SLC4A5: variants seen among roughly 807,000 people sequenced by gnomAD.
The protein encoded by SLC4A5 is solute carrier family 4 member 5, also known as electrogenic sodium bicarbonate cotransporter 4.
SLC4A5 carries 96 observed loss-of-function variants against 120.4 expected under a neutral mutation model. The observed-to-expected ratio is 0.80, with a 90% CI of 0.68 to 0.94. The LOEUF (loss-of-function observed/expected upper bound fraction) is 0.94. Ranked by LOEUF, SLC4A5 falls within the 40% of genes least tolerant of loss-of-function variation. SLC4A5 has a pLI of 0.00. For missense variants in SLC4A5, 1,259 were observed against 1,459.5 expected, an observed-to-expected ratio of 0.86 and a Z score of 2.24; for synonymous variants, 550 against 571.1, an observed-to-expected ratio of 0.96 and a Z score of 0.53.
intron 7 of SLC4A5, among the ~76,000 whole-genome samples, chr2:74,294,994 A>G (rs1672284538): frequency 6.6e-6 from 1 of 152,160 alleles, no homozygotes; most frequent in Admixed American, 6.6e-5. Flanking sequence ...TTTATGCTGC[A>G]TAAGCGCTAG....
intron 3 of SLC4A5, among the ~76,000 whole-genome samples, chr2:74,337,209 C>T (rs1481573966): frequency 6.6e-6 from 1 of 152,138 alleles, no homozygotes; most frequent in East Asian, 1.9e-4. Context: ...GGGAACAGAA[C>T]AGCTGCTGGG....
chr2:74,324,389 T>C (rs1173010365), intron 5 of SLC4A5, among the ~76,000 whole-genome samples: 4 of 152,062 alleles, frequency 2.6e-5, no homozygotes, highest in Non-Finnish European at 1.5e-5. Context: ...GTCTCCAAAG[T>C]AGGTGGGATT....
chr2:74,274,347 C>A (rs915331811), intron 8 of SLC4A5, among the ~76,000 whole-genome samples: 1 of 152,178 alleles, frequency 6.6e-6, no homozygotes, highest in East Asian at 1.9e-4. Context: ...CCCATTCTTA[C>A]AATTTATTTG....
intron 2 of SLC4A5, chr2:74,339,751 T>G (rs1177837222): frequency 6.6e-6 from 1 of 152,250 alleles, no homozygotes; most frequent in Non-Finnish European, 1.5e-5. Flanking sequence ...TATCCCAATG[T>G]GCATATCAGC....
At chr2:74,251,087 G>A (rs978026483) in intron 16 of SLC4A5, among the ~76,000 whole-genome samples, 6 of 152,188 alleles carry the variant, frequency 3.9e-5, no homozygotes, top group African/African-American at 7.2e-5. Context: ...ATGGAGCAGA[G>A]TTTCTCAACC....
intron 24 of SLC4A5, among the ~76,000 whole-genome samples, chr2:74,232,116 T>A (rs1670108917): frequency 6.6e-6 from 1 of 152,128 alleles, no homozygotes; most frequent in Admixed American, 6.5e-5. Context: ...AGGAGGGCCA[T>A]CAGGGCAGTA....
chr2:74,302,290 G>A (rs773667954), intron 7 of SLC4A5, among the ~76,000 whole-genome samples: 2 of 152,114 alleles, frequency 1.3e-5, no homozygotes, highest in Non-Finnish European at 2.9e-5. Context: ...AAGAGCAGAC[G>A]GTGAAGGAAA....
intron 16 of SLC4A5, 155 bp from the exon 17 acceptor site, chr2:74,250,672 G>C: frequency 1.2e-6 from 1 of 852,806 alleles, no homozygotes; most frequent in Non-Finnish European, 1.8e-6. Context: ...TAGGGCCAGG[G>C]ATGAATTCCT....
At chr2:74,248,809 C>T (rs935920709) in intron 17 of SLC4A5, among the ~76,000 whole-genome samples, 1 of 152,194 alleles carries the variant, frequency 6.6e-6, no homozygotes, top group African/African-American at 2.4e-5. Context: ...TCTGATTATT[C>T]ATTCATCTAA....
rs538725186 is a variant in SLC4A5, at chr2:74,220,237, C to T, written c.*33+1197G>A. On this transcript the variant is annotated intron_variant, in intron 30 of 30. Transcript: ENST00000394019. ...TCATCAGGGAGTCTCACCTTTTTCA[C>T]GGGTGGCTTCTCATGAAGAACAATC... Among the ~76,000 whole-genome samples, 13 of 152,282 alleles carry T rather than the reference C, an allele frequency of 8.5e-5. No homozygotes were observed. The East Asian group carries it at 1.9e-3, about 23-fold the overall frequency.
chr2:74,251,764 C>T (rs567586052), intron 16 of SLC4A5, among the ~76,000 whole-genome samples: 33 of 152,194 alleles, frequency 2.2e-4, no homozygotes, highest in Non-Finnish European at 4.6e-4. Context: ...TGGCCACCAC[C>T]AGAAGCCAGG....
intron 2 of SLC4A5, among the ~76,000 whole-genome samples, chr2:74,341,042 C>CT (rs1396039153): frequency 3.3e-5 from 5 of 152,278 alleles, no homozygotes; most frequent in Non-Finnish European, 7.4e-5. Context: ...CAGTGGCTCA[C>CT]GCCTGTAATC....
intron 30 of SLC4A5, among the ~76,000 whole-genome samples, chr2:74,220,067 T>G (rs775942550): frequency 6.6e-6 from 1 of 152,236 alleles, no homozygotes; most frequent in Non-Finnish European, 1.5e-5. Flanking sequence ...TGGGATAGCC[T>G]GTGCTGTAAT....
intron 7 of SLC4A5, among the ~76,000 whole-genome samples, chr2:74,294,873 G>A (rs1477251704): frequency 6.6e-6 from 1 of 152,064 alleles, no homozygotes; most frequent in Non-Finnish European, 1.5e-5. Flanking sequence ...GGTTCGCCAT[G>A]TTGGCCAGAC....
intron 20 of SLC4A5, among the ~76,000 whole-genome samples, chr2:74,240,021 TTATATATACATATATAAATTTA>T (rs1208046766): frequency 1.0e-4 from 15 of 148,054 alleles, no homozygotes; most frequent in African/African-American, 3.7e-4. Flanking sequence ...ATAAATTTAT[TTATATATACATATATAAATTTA>T]TATATATATA....
intron 5 of SLC4A5, 100 bp from the exon 6 acceptor site, chr2:74,315,125 A>G: frequency 9.9e-7 from 1 of 1,011,032 alleles, no homozygotes; most frequent in Non-Finnish European, 1.6e-6. Flanking sequence ...GGAGATTTTA[A>G]TACAGATAAA....
chr2:74,304,516 T>C (rs1483523282), exon 7 of SLC4A5: 2 of 1,613,614 alleles, frequency 1.2e-6, no homozygotes, highest in Non-Finnish European at 1.7e-6. Flanking sequence ...TCCATGCTGC[T>C]GTCCTGGCTG....
At chr2:74,314,129 A>G (rs1672891499) in intron 6 of SLC4A5, among the ~76,000 whole-genome samples, 1 of 152,136 alleles carries the variant, frequency 6.6e-6, no homozygotes, top group Non-Finnish European at 1.5e-5. Flanking sequence ...TCAAAAAACT[A>G]TTTTACTTTC....
At chr2:74,273,467 C>T (rs73948728) in intron 8 of SLC4A5, among the ~76,000 whole-genome samples, 173 of 152,228 alleles carry the variant, frequency 1.1e-3, no homozygotes, top group African/African-American at 4.0e-3. Flanking sequence ...GTATATATCC[C>T]TGTGGTCACT....
Sources: gnomAD v4.1 joint callset for allele counts (sites outside exome capture counted in the v4.1 genomes callset) on GRCh38, gnomAD v4.1.1 for gene constraint, MANE v1.5 for transcripts, NCBI Gene and HGNC (gene_info 2026-07-23, HGNC 2026-07-21) for gene names.